Variants in DGLUCY observed in about 807,000 individuals in gnomAD.
The protein encoded by DGLUCY is D-glutamate cyclase, also known as D-glutamate cyclase, mitochondrial.
Under a neutral mutation model 58.5 loss-of-function variants are expected in DGLUCY, and 58 were observed. The ratio of observed to expected loss-of-function variants is 0.99; its 90% CI spans 0.80 to 1.23. The LOEUF (loss-of-function observed/expected upper bound fraction) is 1.23. Ranked by LOEUF, DGLUCY falls within the 50% of genes most tolerant of loss-of-function variation. The pLI is 0.00. For synonymous variants in DGLUCY, 325 were observed against 314.1 expected, an observed-to-expected ratio of 1.03 and a Z score of -0.37; for missense variants, 779 against 784.7, an observed-to-expected ratio of 0.99 and a Z score of 0.09.
chr14:91,199,068 A>G (rs2050393258), intron 10 of DGLUCY, among the ~76,000 whole-genome samples: 1 of 152,128 alleles, frequency 6.6e-6, no homozygotes, highest in Admixed American at 6.5e-5. Context: ...ACTGAACAAG[A>G]TCCTGGAAGG....
At chr14:91,223,973 G>A (rs911200354) in intron 13 of DGLUCY, among the ~76,000 whole-genome samples, 9 of 152,146 alleles carry the variant, frequency 5.9e-5, no homozygotes, top group Admixed American at 4.6e-4. Context: ...CCCGGGCTGC[G>A]GCTTCAGGAT....
At chr14:91,114,586 A>G (rs1301270958) in intron 1 of DGLUCY, 3 of 152,240 alleles carry the variant, frequency 2.0e-5, no homozygotes, top group Non-Finnish European at 4.4e-5. Flanking sequence ...AGTCCTTGTC[A>G]CTGCCCTTGA....
At chr14:91,067,080 C>CAAAA (rs778098019) in intron 1 of DGLUCY, among the ~76,000 whole-genome samples, 146 of 70,960 alleles carry the variant, frequency 2.1e-3, no homozygotes, top group African/African-American at 6.3e-3. Flanking sequence ...GACTCCATCT[C>CAAAA]AAAAAAAAAA....
chr14:91,068,075 G>GCACACA (rs778305281), intron 1 of DGLUCY, among the ~76,000 whole-genome samples: 3 of 45,996 alleles, frequency 6.5e-5, no homozygotes, highest in East Asian at 9.4e-4. Flanking sequence ...ACACACACGC[G>GCACACA]CACGCACACA....
At chr14:91,075,739 T>C (rs1285477691) in intron 1 of DGLUCY, among the ~76,000 whole-genome samples, 1 of 146,266 alleles carries the variant, frequency 6.8e-6, no homozygotes, top group African/African-American at 2.4e-5. Context: ...CAATCAGCAC[T>C]AGCCCGGGTG....
intron 1 of DGLUCY, among the ~76,000 whole-genome samples, chr14:91,149,040 G>T (rs1414083594): frequency 6.6e-6 from 1 of 152,160 alleles, no homozygotes; most frequent in South Asian, 2.1e-4. Flanking sequence ...CTGAGGTGGG[G>T]AGTTTGAGAT....
rs1208427788 is a variant in DGLUCY, at chr14:91,151,707, T to G, written c.-81-5932T>G. ...TCTTGCTCTGTCACCCAGGCTGGAG[T>G]GCAGTGGTGCGATCTTGGCTCACTG... On this transcript the variant is annotated intron_variant, in intron 1 of 13. Transcript: ENST00000256324. 2.7e-5 allele frequency among the ~76,000 whole-genome samples: 4 copies of G among 150,896 alleles called. No homozygotes were observed. The East Asian group carries it at 7.8e-4, about 29-fold the overall frequency.
In DGLUCY at chr14:91,224,738, G is replaced by A; in HGVS notation, c.1771G>A (p.Gly591Ser). The stretch of plus-strand genomic sequence containing the variant: ...GCACAAAGTCCGGAGTGGCGTCTCG[G>A]GCATCGTGGGCATGGAGGTGGATGG... ...VQHKVRSGVS[G>S]IVGMEVDGLP... is the part of the protein sequence containing the mutation. The change falls in exon 14 of 14, where the codon GGC (glycine) becomes AGC (serine). Residue 591 changes from glycine (G) to serine (S), a missense_variant. By Grantham distance (56) the Gly-to-Ser change is moderately conservative (BLOSUM62 0). Transcript: ENST00000256324. 1 of 1,613,572 alleles carries A rather than the reference G, an allele frequency of 6.2e-7. No homozygotes were observed. Among genetic ancestry groups the A allele is most frequent in the Admixed American group, 1.7e-5 (1 of 59,982 alleles).
intron 1 of DGLUCY, among the ~76,000 whole-genome samples, chr14:91,088,855 G>C (rs2140061020): frequency 6.6e-6 from 1 of 152,306 alleles, no homozygotes; most frequent in East Asian, 1.9e-4. Context: ...TCTTTCCTTG[G>C]GGACCCCGCC....
At chr14:91,063,049 C>G (rs1243211238) in intron 1 of DGLUCY, among the ~76,000 whole-genome samples, 1 of 152,112 alleles carries the variant, frequency 6.6e-6, no homozygotes, top group Admixed American at 6.6e-5. Flanking sequence ...CCATTGTGAT[C>G]ATGCTGTAAA....
chr14:91,224,747 G>A lies in DGLUCY; in HGVS notation c.1780G>A (p.Gly594Ser). 1 of 1,613,724 alleles carries A rather than the reference G, an allele frequency of 6.2e-7. No homozygotes were observed. The highest frequency in any genetic ancestry group is 8.5e-7 in the Non-Finnish European group (1 of 1,179,784). The change falls in exon 14 of 14, where the codon GGC (glycine) becomes AGC (serine). Residue 594 changes from glycine (G) to serine (S), a missense_variant. Coordinates refer to ENST00000256324, the MANE Select transcript of DGLUCY (RefSeq NM_001102368.3). Reference sequence around the variant, plus strand: ...CCGGAGTGGCGTCTCGGGCATCGTGGGCATGGAGGTGGATGGGCTGCCCTT... The same window carrying A: ...CCGGAGTGGCGTCTCGGGCATCGTGAGCATGGAGGTGGATGGGCTGCCCTT... ...KVRSGVSGIV[G>S]MEVDGLPFHN...
upstream of DGLUCY, among the ~76,000 whole-genome samples, chr14:91,109,670 AAGAG>A (rs948329563): frequency 7.9e-5 from 12 of 152,164 alleles, no homozygotes; most frequent in African/African-American, 2.9e-4. Context: ...AGGGCAGAGA[AAGAG>A]AGAAAGGAAG....
At chr14:91,060,463 C>T in exon 1 of DGLUCY, 1 of 1,412,226 alleles carries the variant, frequency 7.1e-7, no homozygotes, top group Non-Finnish European at 9.4e-7. Flanking sequence ...TCCCGCGGGT[C>T]GCTACGAGGG....
intron 13 of DGLUCY, among the ~76,000 whole-genome samples, chr14:91,220,236 C>T (rs918156160): frequency 5.3e-5 from 8 of 152,238 alleles, no homozygotes; most frequent in Non-Finnish European, 2.9e-5. Context: ...AGCAAGTCTC[C>T]GACCTCAGCA....
chr14:91,213,924 T>G (rs1886114049), intron 12 of DGLUCY, among the ~76,000 whole-genome samples: 1 of 152,182 alleles, frequency 6.6e-6, no homozygotes, highest in South Asian at 2.1e-4. Flanking sequence ...GGTCTCGAAC[T>G]CCTAACCTCA....
chr14:91,186,318 C>A (rs1308519456), intron 8 of DGLUCY, among the ~76,000 whole-genome samples: 2 of 152,090 alleles, frequency 1.3e-5, no homozygotes, highest in Non-Finnish European at 2.9e-5. Context: ...GCGATCTCAG[C>A]TCACTGCAGC....
chr14:91,144,014 TCTC>T (rs2046880994), intron 1 of DGLUCY, among the ~76,000 whole-genome samples: 1 of 151,926 alleles, frequency 6.6e-6, no homozygotes, highest in Non-Finnish European at 1.5e-5. Flanking sequence ...CTGTGTAAGA[TCTC>T]CTCTTCCAAT....
chr14:91,212,175 TA>T (rs1223092707), intron 12 of DGLUCY, among the ~76,000 whole-genome samples: 3 of 152,320 alleles, frequency 2.0e-5, no homozygotes, highest in Admixed American at 2.0e-4. Flanking sequence ...TGGACTTCAC[TA>T]AAGTTTCAAA....
intron 1 of DGLUCY, among the ~76,000 whole-genome samples, chr14:91,090,616 G>A (rs1200024906): frequency 1.3e-5 from 2 of 152,172 alleles, no homozygotes; most frequent in East Asian, 1.9e-4. Flanking sequence ...GCCACTAGCA[G>A]GAGCTTGTTG....
Sources: gnomAD v4.1 joint callset for allele counts (sites outside exome capture counted in the v4.1 genomes callset) on GRCh38, gnomAD v4.1.1 for gene constraint, MANE v1.5 for transcripts, NCBI Gene and HGNC (gene_info 2026-07-23, HGNC 2026-07-21) for gene names.